The following RTN3 variants were observed in gnomAD, a reference collection of about 807,000 sequenced individuals.
RTN3 encodes reticulon-3.
In RTN3, 49 loss-of-function variants were observed where a neutral mutation model predicts 77.8. The ratio of observed to expected loss-of-function variants is 0.63; its 90% CI spans 0.50 to 0.80. The LOEUF (loss-of-function observed/expected upper bound fraction) is 0.80. RTN3 is among the 30% of genes least tolerant of loss of function. RTN3 has a pLI of 0.00. For missense variants in RTN3, 1,236 were observed against 1,211.9 expected (o/e 1.02, Z -0.29); for synonymous variants, 464 against 446.9 (o/e 1.04, Z -0.48).
chr11:63,730,947 G>A (rs2012646938), intron 3 of RTN3, among the ~76,000 whole-genome samples: 1 of 152,134 alleles, frequency 6.6e-6, no homozygotes, highest in African/African-American at 2.4e-5. Context: ...TGACTTAGAT[G>A]GTGGTTATAG....
chr11:63,730,958 A>G (rs1346119979), intron 3 of RTN3, among the ~76,000 whole-genome samples: 1 of 152,226 alleles, frequency 6.6e-6, no homozygotes, highest in Non-Finnish European at 1.5e-5. Context: ...GTGGTTATAG[A>G]ACACTACTCC....
Position 63,720,324 on chromosome 11 carries a change from A to G in RTN3, c.1822A>G (p.Asn608Asp). 6.2e-7 allele frequency: 1 copy of G among 1,613,932 alleles called. No homozygotes were observed. Among genetic ancestry groups the G allele is most frequent in the Non-Finnish European group, 8.5e-7 (1 of 1,179,916 alleles). Residue 608 changes from asparagine to aspartate, a missense_variant, in exon 3 of 9, where the codon AAC (asparagine) becomes GAC (aspartate). Physicochemically the swap from Asn to Asp is conservative, Grantham distance 23. Around this residue, in one of 3 missense-constraint regions of RTN3, gnomAD observed 1,056 missense variants for 990.4 expected, o/e 1.07. Coordinates refer to ENST00000377819, the MANE Select transcript of RTN3 (RefSeq NM_001265589.2). Reference protein sequence around the residue: ...VAPEKPITTENPKLPSTVSPN... With the variant: ...VAPEKPITTEDPKLPSTVSPN... ...TCCTGAAAAGCCTATTACTACTGAGAACCCCAAACTTCCTTCAACAGTGTC... is the reference window on the plus strand; with the variant it reads ...TCCTGAAAAGCCTATTACTACTGAGGACCCCAAACTTCCTTCAACAGTGTC...
rs1032385613 is a variant in RTN3 at position 63,717,373 on chromosome 11, G to A, written c.200-1329G>A. 1.4e-4 allele frequency among the ~76,000 whole-genome samples: 16 copies of A among 117,514 alleles called. 3 individuals are homozygous for A. In the Admixed American group the frequency reaches 1.4e-3, roughly 10 times the overall value. 77.1% of individuals were successfully genotyped at this position (117,514 alleles called of 152,430 possible). A position where few individuals can be genotyped will look rare whatever the true frequency, so the allele number is the denominator to read the frequency against. On this transcript the variant is annotated intron_variant, in intron 2 of 8. Coordinates refer to ENST00000377819, the MANE Select transcript of RTN3 (RefSeq NM_001265589.2). ...TAAAAGTAATTCTGGAGTTAACTCTGTCTTTTTTTTTTTTTTTTTTTTTTT... is the reference window on the plus strand; with the variant it reads ...TAAAAGTAATTCTGGAGTTAACTCTATCTTTTTTTTTTTTTTTTTTTTTTT...
intron 2 of RTN3, among the ~76,000 whole-genome samples, chr11:63,717,402 T>TG (rs2011477943): frequency 1.6e-5 from 2 of 124,366 alleles, no homozygotes; most frequent in Non-Finnish European, 3.5e-5. Context: ...TTTTTTTTTT[T>TG]GAGACAGTTT....
chr11:63,684,031 A>G (rs1168421552), intron 1 of RTN3, among the ~76,000 whole-genome samples: 1 of 137,840 alleles, frequency 7.3e-6, no homozygotes, highest in African/African-American at 2.8e-5. Flanking sequence ...GGCTCACTGC[A>G]ACCTCCATCT....
At chr11:63,735,309 AATAAGTAGTTCCATTTAC>A (rs1343443028) in intron 3 of RTN3, among the ~76,000 whole-genome samples, 2 of 152,132 alleles carry the variant, frequency 1.3e-5, no homozygotes, top group Non-Finnish European at 2.9e-5. Context: ...TATTTTTTTA[AATAAGTAGTTCCATTTAC>A]AATAGCACCA....
chr11:63,690,750 A>G (rs1203333475), intron 1 of RTN3, among the ~76,000 whole-genome samples: 1 of 152,158 alleles, frequency 6.6e-6, no homozygotes, highest in African/African-American at 2.4e-5. Flanking sequence ...CACATTGTTA[A>G]ATTCAGTGGT....
rs187248731 is a variant in RTN3 at position 63,683,902 on chromosome 11, C to T, written c.142+2124C>T. Among the ~76,000 whole-genome samples the T allele has an allele frequency of 1.1e-4, 16 of 149,986 alleles. No homozygotes were observed. In the South Asian group the frequency reaches 2.3e-3, roughly 22 times the overall value. On this transcript the variant is annotated intron_variant, in intron 1 of 8. Transcript: ENST00000377819. ...ACATTTTCCGAATAATATTAAATGC[C>T]GCGGTTTCCACTCGTTATTTCTTTC...
chr11:63,692,424 T>G (rs922889198), intron 1 of RTN3, among the ~76,000 whole-genome samples: 2 of 152,020 alleles, frequency 1.3e-5, no homozygotes, highest in African/African-American at 4.8e-5. Flanking sequence ...ACTCAATGTT[T>G]ATGTCCCCAC....
At chr11:63,753,544 T>C in intron 6 of RTN3, 118 bp from the exon 7 acceptor site, 2 of 908,386 alleles carry the variant, frequency 2.2e-6, no homozygotes, top group East Asian at 2.5e-5. Context: ...ATTTCTCATT[T>C]TGAGGAATGC....
At chr11:63,687,425 TGGCCA>T (rs1941431897) in intron 1 of RTN3, among the ~76,000 whole-genome samples, 1 of 152,154 alleles carries the variant, frequency 6.6e-6, no homozygotes, top group African/African-American at 2.4e-5. Flanking sequence ...GAGACCAGCC[TGGCCA>T]ACATGGTGAA....
chr11:63,705,197 T>A (rs1429781073), intron 2 of RTN3, among the ~76,000 whole-genome samples: 1 of 152,218 alleles, frequency 6.6e-6, no homozygotes, highest in Non-Finnish European at 1.5e-5. Context: ...GATAGAATTG[T>A]GGCTCAGAGG....
intron 3 of RTN3, among the ~76,000 whole-genome samples, chr11:63,733,788 G>A (rs545067061): frequency 6.6e-6 from 1 of 151,904 alleles, no homozygotes; most frequent in Non-Finnish European, 1.5e-5. Flanking sequence ...CTACTCGGGA[G>A]GCTGAGGCAG....
intron 3 of RTN3, among the ~76,000 whole-genome samples, chr11:63,742,295 T>C (rs1299542148): frequency 2.0e-5 from 3 of 151,174 alleles, no homozygotes; most frequent in Non-Finnish European, 4.4e-5. Context: ...TTCTAGGTTC[T>C]TTACATTTGA....
chr11:63,745,610 C>G (rs2135028969), intron 3 of RTN3, among the ~76,000 whole-genome samples: 1 of 152,274 alleles, frequency 6.6e-6, no homozygotes, highest in Admixed American at 6.5e-5. Flanking sequence ...CACTATGTCC[C>G]CTTTCTATCC....
chr11:63,748,966 C>T (rs1310859696), intron 3 of RTN3, among the ~76,000 whole-genome samples: 1 of 151,908 alleles, frequency 6.6e-6, no homozygotes, highest in African/African-American at 2.4e-5. Context: ...CCATGCCCGG[C>T]CCCCACTCAC....
intron 1 of RTN3, among the ~76,000 whole-genome samples, chr11:63,688,275 G>A (rs1389568778): frequency 2.0e-5 from 3 of 150,308 alleles, no homozygotes; most frequent in Non-Finnish European, 4.4e-5. Flanking sequence ...CCAGGCGGGA[G>A]TGCAGTGGTG....
chr11:63,707,868 G>A (rs924614212), intron 2 of RTN3, among the ~76,000 whole-genome samples: 22 of 152,062 alleles, frequency 1.4e-4, no homozygotes, highest in Admixed American at 4.6e-4. Flanking sequence ...CCCTATCCTC[G>A]AATGGGTTTC....
intron 1 of RTN3, 58 bp downstream of exon 1, chr11:63,681,836 T>TG: frequency 6.8e-7 from 1 of 1,461,866 alleles, no homozygotes; most frequent in East Asian, 2.7e-5. Flanking sequence ...GCCTGGGGGC[T>TG]GGGGGGATTA....
Sources: allele counts gnomAD v4.1 joint callset (sites outside exome capture counted in the v4.1 genomes callset), GRCh38; gene constraint gnomAD v4.1.1; regional missense constraint gnomAD v4.1.1; transcripts MANE v1.5; gene names NCBI Gene and HGNC (gene_info 2026-07-23, HGNC 2026-07-21).